Variants in DNAJC16 observed in about 807,000 individuals in gnomAD.
DNAJC16 encodes the protein DnaJ heat shock protein family (Hsp40) member C16.
DNAJC16 carries 76 observed loss-of-function variants against 92.7 expected under a neutral mutation model. That is an observed-to-expected ratio of 0.82 (90% CI 0.68 to 0.99). DNAJC16 has a LOEUF of 0.99. DNAJC16 is among the 50% of genes least tolerant of loss of function. DNAJC16 has a pLI of 0.00. For missense variants in DNAJC16, 869 were observed against 942.4 expected, an observed-to-expected ratio of 0.92 and a Z score of 1.02; for synonymous variants, 328 against 358.7, an observed-to-expected ratio of 0.91 and a Z score of 0.97.
rs531561565 is a variant in DNAJC16 at position 15,567,327 on chromosome 1, A to G, written c.1949+58A>G. ...GTGTGAGAGAGAGAGAGGCAGGCAC[A>G]CTGAAATTGCACGCTTTTCTCTTTG... On this transcript the variant is annotated intron_variant, in intron 14 of 14. Coordinates refer to ENST00000375847, the MANE Select transcript of DNAJC16 (RefSeq NM_015291.4). 84 of 1,538,806 alleles carry G rather than the reference A, an allele frequency of 5.5e-5. No homozygotes were observed. In the Admixed American group the frequency reaches 1.4e-3, roughly 26 times the overall value.
At chr1:15,551,526 T>A (rs145185328) in intron 7 of DNAJC16, among the ~76,000 whole-genome samples, 24 of 152,128 alleles carry the variant, frequency 1.6e-4, no homozygotes, top group Non-Finnish European at 3.2e-4. Context: ...ACATTAGAAT[T>A]TCGAAAAATT....
At position 15,564,356 on chromosome 1, in the gene DNAJC16, A is replaced by G; in HGVS notation, c.1595A>G (p.Asn532Ser). 1 of 1,588,356 alleles carries G rather than the reference A, an allele frequency of 6.3e-7. No individual in the cohort carries two copies. The highest frequency in any genetic ancestry group is 1.1e-5 in the South Asian group (1 of 90,504). The change falls in exon 11 of 15, where the codon AAC (asparagine) becomes AGC (serine). Residue 532 changes from asparagine (N) to serine (S), a missense_variant. Physicochemically the swap from Asn to Ser is conservative, Grantham distance 46. Transcript: ENST00000375847. ...SDCWDSIFHN[N>S]WREMMPLLSL... ...TGCTGGGATAGCATTTTTCACAACAACTGGTAGGGATATTGCCAGGCTGAA... is the reference window on the plus strand; with the variant it reads ...TGCTGGGATAGCATTTTTCACAACAGCTGGTAGGGATATTGCCAGGCTGAA...
chr1:15,550,010 T>G (rs1340540954), intron 7 of DNAJC16, among the ~76,000 whole-genome samples: 1 of 152,164 alleles, frequency 6.6e-6, no homozygotes, highest in Non-Finnish European at 1.5e-5. Context: ...CAGTACTATG[T>G]GGTTTCAGGC....
chr1:15,562,314 G>A lies in DNAJC16; in HGVS notation c.1327G>A (p.Gly443Arg). 6.2e-7 allele frequency: 1 copy of A among 1,612,950 alleles called. No individual in the cohort carries two copies. Among genetic ancestry groups the A allele is most frequent in the Non-Finnish European group, 8.5e-7 (1 of 1,179,224 alleles). ...ACTACCAGACAGTGAGGCGTTTCAA[G>A]GGAAATCAGCGGTAAGCCACAGAGT... The part of the protein sequence containing the change: ...TLLPDSEAFQ[G>R]KSAVSILERR... Residue 443 changes from glycine to arginine, a missense_variant, in exon 9 of 15, where the codon GGG becomes AGG. Physicochemically the swap from Gly to Arg is moderately radical, Grantham distance 125. Coordinates refer to ENST00000375847, the MANE Select transcript of DNAJC16 (RefSeq NM_015291.4).
Position 15,567,910 on chromosome 1 carries a change from C to T in DNAJC16, c.2082C>T (p.Tyr694=). The change falls in exon 15 of 15, where the codon TAC becomes TAT. Residue 694 remains tyrosine (Y), a synonymous_variant. Coordinates refer to ENST00000375847, the MANE Select transcript of DNAJC16 (RefSeq NM_015291.4). The stretch of plus-strand genomic sequence containing the variant: ...ATAAGCATTTCATGGAGCGTGACTA[C>T]ACTGGTTATGTACTGGCTCTGAATG... ...QYDKHFMERD[Y]TGYVLALNGH... 1 of 1,614,238 alleles carries T rather than the reference C, an allele frequency of 6.2e-7. No homozygotes were observed. Among genetic ancestry groups the T allele is most frequent in the Non-Finnish European group, 8.5e-7 (1 of 1,180,050 alleles).
chr1:15,542,204 C>T (rs1480502335), intron 4 of DNAJC16: 1 of 152,298 alleles, frequency 6.6e-6, no homozygotes, highest in African/African-American at 2.4e-5. Flanking sequence ...TCTACACCAC[C>T]TCCCCTCAGC....
intron 13 of DNAJC16, chr1:15,566,567 C>T (rs1638812227): frequency 4.8e-6 from 1 of 207,612 alleles, no homozygotes; most frequent in South Asian, 8.7e-5. Context: ...TCATTCTGTC[C>T]TAGAGCAACT....
chr1:15,540,848 C>G (rs1180334575), intron 4 of DNAJC16, among the ~76,000 whole-genome samples: 3 of 152,124 alleles, frequency 2.0e-5, no homozygotes, highest in Admixed American at 2.0e-4. Flanking sequence ...CATAAATTGG[C>G]ATTCAATCTA....
At chr1:15,528,108 G>A (rs1328119814) in intron 1 of DNAJC16, among the ~76,000 whole-genome samples, 2 of 152,064 alleles carry the variant, frequency 1.3e-5, no homozygotes, top group East Asian at 1.9e-4. Flanking sequence ...ATTTTTTCTT[G>A]CCGCTTTTTC....
Position 15,536,794 on chromosome 1 carries a change from T to TGAC in DNAJC16, c.554_555insGAC (p.Ile185delinsMetThr), listed in dbSNP as rs1710801245. On this transcript the variant is annotated protein_altering_variant, in exon 4 of 15. Coordinates refer to ENST00000375847, the MANE Select transcript of DNAJC16 (RefSeq NM_015291.4). Reference sequence around the variant, plus strand: ...ATCGAGCCTGTGTGGAAAGAAGTCATTCAAGAACTGGAAGAATTGGGTAAG... The same window carrying TGAC: ...ATCGAGCCTGTGTGGAAAGAAGTCATGACTCAAGAACTGGAAGAATTGGGTAAG... 6.2e-7 allele frequency: 1 copy of TGAC among 1,601,126 alleles called. No individual in the cohort carries two copies. The highest frequency in any genetic ancestry group is 1.3e-5 in the African/African-American group (1 of 74,094).
chr1:15,564,509 C>T, intron 11 of DNAJC16, 150 bp downstream of exon 11: 1 of 586,212 alleles, frequency 1.7e-6, no homozygotes. Context: ...TCCCCTTTTT[C>T]TTTCTTTCAG....
chr1:15,554,158 G>A (rs986436666), intron 7 of DNAJC16, among the ~76,000 whole-genome samples: 2 of 151,800 alleles, frequency 1.3e-5, no homozygotes, highest in African/African-American at 4.8e-5. Flanking sequence ...AGCTGTGTTC[G>A]TGCCACTGCA....
intron 3 of DNAJC16, among the ~76,000 whole-genome samples, chr1:15,536,072 C>CTTTTTTTTTTTTTTT (rs758451008): frequency 4.7e-5 from 4 of 84,608 alleles, no homozygotes; most frequent in Non-Finnish European, 9.1e-5. Flanking sequence ...CTTTTCTTTT[C>CTTTTTTTTTTTTTTT]TTTTTTTTTT....
At position 15,563,860 on chromosome 1, in the gene DNAJC16, A is replaced by G. The variant is rs6429750; in HGVS notation, c.1339-69A>G. On this transcript the variant is annotated intron_variant, in intron 9 of 14. Transcript: ENST00000375847. ...GCAAGACTCCGTCAAAAAAAAAAAA[A>G]AAAGCAAACAACTGTAACTTAACCA... The G allele has an allele frequency of 1.2e-3, 1,648 of 1,424,278 alleles. 3 individuals are homozygous for G. The highest frequency in any genetic ancestry group is 8.5e-3 in the Middle Eastern group (42 of 4,956). The allele number at this position is 1,424,278 out of a possible 1,614,324, so 88.2% of individuals were successfully genotyped here.
intron 13 of DNAJC16, 73 bp downstream of exon 13, chr1:15,566,253 A>G: frequency 8.1e-7 from 1 of 1,237,052 alleles, no homozygotes; most frequent in Non-Finnish European, 1.2e-6. Context: ...ATAACGCAGC[A>G]TTGGAACATA....
chr1:15,544,408 T>A lies in DNAJC16; in HGVS notation c.584T>A (p.Ile195Asn). ...CTTCCATTCTTTTCAGGTGTAGGAA[T>A]TGGCGTGGTCCATGCTGGGTATGAG... ...IQELEELGVGIGVVHAGYERR... is the reference protein window; with the variant it reads ...IQELEELGVGNGVVHAGYERR... Residue 195 changes from isoleucine to asparagine, a missense_variant, in exon 5 of 15, where the codon ATT becomes AAT. Ile to Asn is a moderately radical substitution (Grantham distance 149). Coordinates refer to ENST00000375847, the MANE Select transcript of DNAJC16 (RefSeq NM_015291.4). 1 of 1,611,194 alleles carries A rather than the reference T, an allele frequency of 6.2e-7. No individual in the cohort carries two copies. The highest frequency in any genetic ancestry group is 1.1e-5 in the South Asian group (1 of 90,888).
chr1:15,543,137 G>A (rs1710971036), intron 4 of DNAJC16, among the ~76,000 whole-genome samples: 2 of 152,182 alleles, frequency 1.3e-5, no homozygotes, highest in Admixed American at 1.3e-4. Context: ...ATCTTCATGA[G>A]GCTTACATTC....
At chr1:15,527,115 G>C (rs921143971) in intron 1 of DNAJC16, among the ~76,000 whole-genome samples, 157 bp downstream of exon 1, 1 of 152,310 alleles carries the variant, frequency 6.6e-6, no homozygotes, top group African/African-American at 2.4e-5. Context: ...GGAGGGCGGC[G>C]GGGGAGGGGG....
intron 8 of DNAJC16, among the ~76,000 whole-genome samples, chr1:15,560,533 CAG>C (rs1292870559): frequency 6.6e-6 from 1 of 152,134 alleles, no homozygotes; most frequent in African/African-American, 2.4e-5. Context: ...GTGAATGAAT[CAG>C]TAGCTTTAAA....
Sources: gnomAD v4.1 joint callset for allele counts (sites outside exome capture counted in the v4.1 genomes callset) on GRCh38, gnomAD v4.1.1 for gene constraint, MANE v1.5 for transcripts, NCBI Gene and HGNC (gene_info 2026-07-23, HGNC 2026-07-21) for gene names.